The following CHODL variants were observed in gnomAD, a reference collection of about 807,000 sequenced individuals.
The protein encoded by CHODL is transmembrane protein MT75.
A neutral mutation model predicts 34.5 loss-of-function variants in CHODL; 29 were observed. The ratio of observed to expected loss-of-function variants is 0.84; its 90% CI spans 0.63 to 1.15. CHODL has a LOEUF of 1.15. CHODL is among the 50% of genes most tolerant of loss of function. The pLI is 0.00. For missense variants in CHODL, 332 were observed against 332.5 expected, an observed-to-expected ratio of 1.00 and a Z score of 0.01; for synonymous variants, 125 against 116.1, an observed-to-expected ratio of 1.08 and a Z score of -0.49.
At chr21:17,990,599 A>G (rs558630899) in intron 1 of CHODL, among the ~76,000 whole-genome samples, 113 of 152,232 alleles carry the variant, frequency 7.4e-4, no homozygotes, top group African/African-American at 2.7e-3. Context: ...TCAATTAAAT[A>G]CAAAGTTGAG....
intron 1 of CHODL, among the ~76,000 whole-genome samples, chr21:17,969,576 TAGTGAC>T (rs1440287345): frequency 2.0e-5 from 3 of 152,234 alleles, no homozygotes; most frequent in Non-Finnish European, 4.4e-5. Context: ...ATTTTTCTGT[TAGTGAC>T]AGTGTATACC....
intron 2 of CHODL, among the ~76,000 whole-genome samples, chr21:18,028,655 T>C (rs1445372250): frequency 1.4e-5 from 2 of 143,186 alleles, no homozygotes; most frequent in Non-Finnish European, 3.0e-5. Flanking sequence ...ACCAAGATCC[T>C]GTCACTGCAC....
chr21:18,003,333 A>G (rs1194950263), intron 1 of CHODL, among the ~76,000 whole-genome samples: 1 of 151,036 alleles, frequency 6.6e-6, no homozygotes, highest in African/African-American at 2.4e-5. Flanking sequence ...AGCATTTTTG[A>G]TATCTTCCAC....
intron 1 of CHODL, among the ~76,000 whole-genome samples, chr21:17,971,576 G>C (rs184693926): frequency 6.6e-5 from 10 of 152,010 alleles, no homozygotes; most frequent in Admixed American, 5.9e-4. Context: ...CTTTTTGATG[G>C]GTTGTTTGTT....
chr21:18,252,842 G>T (rs75385833), intron 1 of CHODL, among the ~76,000 whole-genome samples: 6,264 of 151,910 alleles, frequency 0.041, 419 homozygotes, highest in African/African-American at 0.14. Context: ...AGAGTCTCCC[G>T]ACCGTGCAGC....
Position 18,256,571 on chromosome 21 carries a change from C to G in CHODL, c.142C>G (p.Leu48Val). The part of the protein sequence containing the change: ...PCYKMAYFHE[L>V]SSRVSFQEAR... Reference sequence around the variant, plus strand: ...CTACAAAATGGCCTACTTCCATGAACTGTCCAGCCGAGTGAGCTTTCAGGA... The same window carrying G: ...CTACAAAATGGCCTACTTCCATGAAGTGTCCAGCCGAGTGAGCTTTCAGGA... The change falls in exon 2 of 6, where the codon CTG becomes GTG. Residue 48 changes from leucine (L) to valine (V), a missense_variant. Physicochemically the swap from Leu to Val is conservative, Grantham distance 32. Transcript: ENST00000299295. 2 of 1,613,558 alleles carry G rather than the reference C, an allele frequency of 1.2e-6. No individual in the cohort carries two copies. The highest frequency in any genetic ancestry group is 1.1e-5 in the South Asian group (1 of 91,058).
intron 2 of CHODL, among the ~76,000 whole-genome samples, chr21:18,222,610 C>T (rs12386266): frequency 4.1e-4 from 62 of 152,224 alleles, no homozygotes; most frequent in African/African-American, 1.4e-3. Context: ...GACCTAATTC[C>T]TGCAAGGGGG....
intron 2 of CHODL, among the ~76,000 whole-genome samples, chr21:18,204,281 C>A (rs2073688074): frequency 6.6e-6 from 1 of 152,054 alleles, no homozygotes; most frequent in Non-Finnish European, 1.5e-5. Context: ...TTGAAAATAT[C>A]TTTTAAAAAC....
chr21:18,239,183 T>C (rs183866937), intron 2 of CHODL, among the ~76,000 whole-genome samples: 13 of 152,240 alleles, frequency 8.5e-5, no homozygotes, highest in African/African-American at 2.6e-4. Context: ...GTATACCTTA[T>C]TGCAGATAAA....
At chr21:18,233,748 A>G (rs1210728420) in intron 2 of CHODL, among the ~76,000 whole-genome samples, 1 of 152,104 alleles carries the variant, frequency 6.6e-6, no homozygotes, top group Non-Finnish European at 1.5e-5. Flanking sequence ...GACTTTATGC[A>G]TTCCCTTTTC....
intron 2 of CHODL, among the ~76,000 whole-genome samples, chr21:18,169,666 C>A (rs575032663): frequency 6.6e-6 from 1 of 151,926 alleles, no homozygotes; most frequent in African/African-American, 2.4e-5. Context: ...ACTGATTTAT[C>A]TAATTTTTTA....
At position 18,256,702 on chromosome 21, in the gene CHODL, G is replaced by C. The variant is rs1276796064; in HGVS notation, c.273G>C (p.Gly91=). ...TGTTGCAAAACCTGACAAAACCCGGGACAGGGATTTCTGATGGTGATTTCT... is the reference window on the plus strand; with the variant it reads ...TGTTGCAAAACCTGACAAAACCCGGCACAGGGATTTCTGATGGTGATTTCT... The part of the protein sequence containing the change: ...ESMLQNLTKP[G]TGISDGDFWI... The change falls in exon 2 of 6, where the codon GGG becomes GGC. Residue 91 remains glycine (G), a synonymous_variant. Transcript: ENST00000299295. 1 of 1,614,058 alleles carries C rather than the reference G, an allele frequency of 6.2e-7. No individual in the cohort carries two copies.
intron 2 of CHODL, among the ~76,000 whole-genome samples, chr21:18,217,972 G>A (rs2073846946): frequency 6.6e-6 from 1 of 152,174 alleles, no homozygotes; most frequent in Non-Finnish European, 1.5e-5. Context: ...GGCTCCCAGG[G>A]CCTTGGGCAG....
At chr21:17,936,513 T>C (rs1293263586) in intron 1 of CHODL, among the ~76,000 whole-genome samples, 1 of 150,584 alleles carries the variant, frequency 6.6e-6, no homozygotes, top group Admixed American at 6.6e-5. Flanking sequence ...GAAAATGTGG[T>C]AGTTTAGAGA....
intron 2 of CHODL, among the ~76,000 whole-genome samples, chr21:18,108,834 A>ACGT (rs2065308420): frequency 8.1e-6 from 1 of 122,700 alleles, no homozygotes; most frequent in Non-Finnish European, 1.7e-5. Flanking sequence ...CTTCTTTGCA[A>ACGT]TGTTGTGTGT....
At chr21:18,069,344 C>T (rs911790153) in intron 2 of CHODL, among the ~76,000 whole-genome samples, 7 of 152,124 alleles carry the variant, frequency 4.6e-5, no homozygotes, top group Non-Finnish European at 7.4e-5. Context: ...AATCCCATTT[C>T]GTATTCTATC....
chr21:17,952,537 C>T (rs1016981411), intron 1 of CHODL, among the ~76,000 whole-genome samples: 3 of 151,904 alleles, frequency 2.0e-5, no homozygotes, highest in Non-Finnish European at 4.4e-5. Flanking sequence ...GAAACCCACG[C>T]TAATATATTG....
intron 2 of CHODL, among the ~76,000 whole-genome samples, chr21:18,042,199 G>A (rs535472144): frequency 8.6e-5 from 13 of 151,830 alleles, no homozygotes; most frequent in African/African-American, 2.9e-4. Flanking sequence ...ATTTTAGAAG[G>A]GGAGACAATT....
chr21:17,956,737 CTA>C (rs2063496299), intron 1 of CHODL, among the ~76,000 whole-genome samples: 1 of 136,086 alleles, frequency 7.3e-6, no homozygotes, highest in Non-Finnish European at 1.7e-5. Context: ...GGAGTTTTTT[CTA>C]TGAGTGCACT....
Sources: gnomAD v4.1 joint callset for allele counts (sites outside exome capture counted in the v4.1 genomes callset) on GRCh38, gnomAD v4.1.1 for gene constraint, MANE v1.5 for transcripts, NCBI Gene and HGNC (gene_info 2026-07-23, HGNC 2026-07-21) for gene names.